The following AIM2 variants were observed in gnomAD, a reference collection of about 807,000 sequenced individuals.
AIM2 encodes interferon-inducible protein AIM2.
Under a neutral mutation model 27.7 loss-of-function variants are expected in AIM2, and 30 were observed. The ratio of observed to expected loss-of-function variants is 1.08; its 90% CI spans 0.81 to 1.47. The LOEUF is 1.47. Ranked by LOEUF, AIM2 falls within the 40% of genes most tolerant of loss-of-function variation. The pLI, the probability that AIM2 is intolerant of heterozygous loss-of-function variation, is 0.00. For synonymous variants in AIM2, 141 were observed against 145.3 expected (o/e 0.97, Z 0.21); for missense variants, 358 against 411.3 (o/e 0.87, Z 1.12).
chr1:159,094,860 T>A (rs946373392), intron 1 of AIM2, among the ~76,000 whole-genome samples: 1 of 152,212 alleles, frequency 6.6e-6, no homozygotes, highest in Non-Finnish European at 1.5e-5. Context: ...TTTTGCTTTG[T>A]ATGTCTAATT....
chr1:159,061,393 AGGATCTTTTTG>A (rs1655828926), downstream of AIM2, among the ~76,000 whole-genome samples: 1 of 151,664 alleles, frequency 6.6e-6, no homozygotes, highest in Non-Finnish European at 1.5e-5. Context: ...TTCTGGATAC[AGGATCTTTTTG>A]TTTTTTGAGA....
At chr1:159,070,073 C>A (rs1656283858) in intron 2 of AIM2, among the ~76,000 whole-genome samples, 1 of 152,174 alleles carries the variant, frequency 6.6e-6, no homozygotes, top group Non-Finnish European at 1.5e-5. Context: ...CCCCATGGAA[C>A]CCGCTTTGAC....
At chr1:159,106,241 A>T (rs1241850082) in intron 1 of AIM2, among the ~76,000 whole-genome samples, 1 of 152,262 alleles carries the variant, frequency 6.6e-6, no homozygotes, top group East Asian at 1.9e-4. Context: ...CACTCCACCA[A>T]CTCAGAAGCA....
At chr1:159,058,610 C>T (rs989258061), downstream of AIM2, among the ~76,000 whole-genome samples, 2 of 152,030 alleles carry the variant, frequency 1.3e-5, no homozygotes, top group Non-Finnish European at 2.9e-5. Context: ...CATGATTTCC[C>T]CTACCCTCAG....
At chr1:159,097,109 T>C (rs1288270015) in intron 1 of AIM2, among the ~76,000 whole-genome samples, 1 of 152,068 alleles carries the variant, frequency 6.6e-6, no homozygotes, top group Non-Finnish European at 1.5e-5. Flanking sequence ...CAGAAAAGTC[T>C]GAATTCTGCC....
At chr1:159,093,531 C>CA (rs1473617308) in intron 1 of AIM2, among the ~76,000 whole-genome samples, 7 of 151,796 alleles carry the variant, frequency 4.6e-5, no homozygotes, top group South Asian at 2.1e-4. Flanking sequence ...CTGTTAAAGC[C>CA]AAAAAACGGG....
At chr1:159,139,309 T>G (rs1207995505) in intron 1 of AIM2, among the ~76,000 whole-genome samples, 2 of 152,218 alleles carry the variant, frequency 1.3e-5, no homozygotes, top group Admixed American at 6.5e-5. Context: ...GGGTGGCATC[T>G]GCCCCTGCTG....
intron 1 of AIM2, among the ~76,000 whole-genome samples, chr1:159,124,615 G>A (rs1444489226): frequency 6.6e-6 from 1 of 152,208 alleles, no homozygotes; most frequent in East Asian, 1.9e-4. Flanking sequence ...CTTTCTTCAT[G>A]TGGCATGACG....
At chr1:159,134,746 C>CA (rs1389091814) in intron 1 of AIM2, among the ~76,000 whole-genome samples, 1 of 152,190 alleles carries the variant, frequency 6.6e-6, no homozygotes, top group African/African-American at 2.4e-5. Context: ...GCAGGAGAAT[C>CA]ACTTGAGCCC....
intron 1 of AIM2, among the ~76,000 whole-genome samples, chr1:159,111,794 CAAAAAAAAAA>C (rs1296847078): frequency 8.7e-6 from 1 of 114,918 alleles, no homozygotes; most frequent in Non-Finnish European, 1.7e-5. Context: ...CCCGTCTCTA[CAAAAAAAAAA>C]AAAAAAAAAA....
chr1:159,056,598 A>G, the AIM2 span, among the ~76,000 whole-genome samples: 3 of 151,852 alleles, frequency 2.0e-5, no homozygotes, highest in Middle Eastern at 6.8e-3. Flanking sequence ...AGGCAAGAAG[A>G]GACAAATTGT....
In AIM2 at chr1:159,115,571, C is replaced by CA. The variant is rs896906902; in HGVS notation, c.-16+24859dup. On this transcript the variant is annotated intron_variant, in intron 1 of 2. Coordinates refer to the AIM2 transcript ENST00000368129. ...TGATCTTTGACAAACCTGACAAAAA[C>CA]AAAAAACGGGGAAACGATTCCCTAT... Among the ~76,000 whole-genome samples the CA allele has an allele frequency of 5.9e-5, 9 of 152,126 alleles. No individual in the cohort carries two copies. The East Asian group carries it at 9.6e-4, about 16-fold the overall frequency.
downstream of AIM2, among the ~76,000 whole-genome samples, chr1:159,061,424 AC>A (rs1005660057): frequency 3.5e-4 from 53 of 151,980 alleles, no homozygotes; most frequent in African/African-American, 1.3e-3. Flanking sequence ...ACAGAGTCTT[AC>A]TCTATCACCC....
chr1:159,092,318 T>A (rs1368687529), intron 1 of AIM2, among the ~76,000 whole-genome samples: 1 of 152,202 alleles, frequency 6.6e-6, no homozygotes, highest in East Asian at 1.9e-4. Flanking sequence ...GGCCTAAATG[T>A]TATAAATATA....
At chr1:159,106,515 AT>A (rs1417299946) in intron 1 of AIM2, among the ~76,000 whole-genome samples, 1 of 152,142 alleles carries the variant, frequency 6.6e-6, no homozygotes, top group African/African-American at 2.4e-5. Flanking sequence ...GAAAGAAAAA[AT>A]TTTTCTCTTT....
chr1:159,142,354 T>A (rs863032), upstream of AIM2, among the ~76,000 whole-genome samples: 110,020 of 151,996 alleles, frequency 0.72, 40,404 homozygotes, highest in Admixed American at 0.8. Flanking sequence ...GAAAAAACAG[T>A]GTTCAGTGTG....
intron 4 of AIM2, among the ~76,000 whole-genome samples, chr1:159,065,283 C>G (rs747653998): frequency 6.6e-6 from 1 of 152,048 alleles, no homozygotes; most frequent in African/African-American, 2.4e-5. Context: ...GCCTCTGCCC[C>G]GCGGCCCTGT....
chr1:159,103,079 A>G (rs1356441795), intron 1 of AIM2, among the ~76,000 whole-genome samples: 1 of 152,292 alleles, frequency 6.6e-6, no homozygotes, highest in East Asian at 1.9e-4. Context: ...GGAGGCACCC[A>G]GTGGGAGGTA....
chr1:159,081,531 A>C (rs1054813327), upstream of AIM2: 5 of 520,188 alleles, frequency 9.6e-6, no homozygotes, highest in Admixed American at 4.1e-5. Context: ...TTGGTGCTGC[A>C]GAAGTCAAAA....
Sources: allele counts gnomAD v4.1 joint callset (sites outside exome capture counted in the v4.1 genomes callset), GRCh38; gene constraint gnomAD v4.1.1; transcripts MANE v1.5; gene names NCBI Gene and HGNC (gene_info 2026-07-23, HGNC 2026-07-21).